Variants in GJB7 observed in about 807,000 individuals in gnomAD.
GJB7 encodes gap junction protein beta 7.
For synonymous variants in GJB7, 87 were observed against 95.2 expected (o/e 0.91, Z 0.50); for missense variants, 253 against 256.8 (o/e 0.99, Z 0.10).
intron 2 of GJB7, among the ~76,000 whole-genome samples, chr6:87,293,403 T>G (rs1450820503): frequency 6.6e-6 from 1 of 152,260 alleles, no homozygotes; most frequent in Non-Finnish European, 1.5e-5. Flanking sequence ...AATTACCAGA[T>G]AAATCCAATA....
intron 2 of GJB7, among the ~76,000 whole-genome samples, chr6:87,289,268 T>A (rs1776120318): frequency 6.6e-6 from 1 of 152,214 alleles, no homozygotes; most frequent in Non-Finnish European, 1.5e-5. Flanking sequence ...TCTTGTTCAT[T>A]ATGTTGGCTT....
At chr6:87,327,754 A>T (rs1435580054) in intron 1 of GJB7, among the ~76,000 whole-genome samples, 1 of 144,292 alleles carries the variant, frequency 6.9e-6, no homozygotes, top group African/African-American at 2.6e-5. Flanking sequence ...CTTCTCGAGG[A>T]GTATCTTTGT....
chr6:87,299,485 T>C (rs191022016), intron 2 of GJB7: 19 of 402,760 alleles, frequency 4.7e-5, no homozygotes, highest in Admixed American at 4.6e-4. Context: ...CTATGTTGTA[T>C]TGAATGAAAT....
chr6:87,291,446 T>C (rs1163289207), intron 2 of GJB7, among the ~76,000 whole-genome samples: 1 of 152,218 alleles, frequency 6.6e-6, no homozygotes, highest in African/African-American at 2.4e-5. Context: ...TGTATAAGCA[T>C]TGTCATTTTT....
intron 1 of GJB7, among the ~76,000 whole-genome samples, chr6:87,328,603 G>T (rs1237531035): frequency 6.6e-6 from 1 of 152,304 alleles, no homozygotes; most frequent in African/African-American, 2.4e-5. Flanking sequence ...GAGGCAGTCT[G>T]CCTGTTCTCA....
At chr6:87,322,462 A>T (rs951985306) in intron 2 of GJB7, 1 of 152,240 alleles carries the variant, frequency 6.6e-6, no homozygotes, top group African/African-American at 2.4e-5. Context: ...AGAACCGGAA[A>T]GGCTAGCACT....
In GJB7 at chr6:87,284,135, G is replaced by A. The variant is rs1277714390; in HGVS notation, c.*106C>T. On this transcript the variant is annotated 3_prime_UTR_variant, in exon 3 of 3. Coordinates refer to ENST00000525899, the MANE Select transcript of GJB7 (RefSeq NM_198568.3). ...TAACCCTCTTGTGTGTCACAGAGTA[G>A]CTTTGCTTCAGGTAGAGGGAGTGTG... is the stretch of plus-strand genomic sequence containing the variant. 9.1e-6 allele frequency: 8 copies of A among 878,996 alleles called. No individual in the cohort carries two copies. The highest frequency in any genetic ancestry group is 1.4e-5 in the Non-Finnish European group (8 of 562,286). The allele number at this position is 878,996 out of a possible 1,614,324, so 54.4% of individuals were successfully genotyped here.
intron 2 of GJB7, among the ~76,000 whole-genome samples, chr6:87,309,423 C>G (rs1003165552): frequency 2.6e-5 from 4 of 152,188 alleles, no homozygotes; most frequent in Non-Finnish European, 5.9e-5. Context: ...CTTCCCACTC[C>G]AGCATCACAC....
intron 2 of GJB7, among the ~76,000 whole-genome samples, chr6:87,286,758 G>T (rs1776067909): frequency 6.6e-6 from 1 of 152,104 alleles, no homozygotes; most frequent in African/African-American, 2.4e-5. Context: ...ACTCTGAAAG[G>T]TGGTTTTTGT....
chr6:87,322,182 A>T (rs1383750381), intron 2 of GJB7: 1 of 152,238 alleles, frequency 6.6e-6, no homozygotes, highest in Non-Finnish European at 1.5e-5. Context: ...ATGGCAGAGT[A>T]TTAACTCTAC....
chr6:87,313,149 G>A (rs957241814), intron 2 of GJB7, among the ~76,000 whole-genome samples: 2 of 152,158 alleles, frequency 1.3e-5, no homozygotes, highest in African/African-American at 4.8e-5. Context: ...TCCTGCCTGT[G>A]TGTCATCTAT....
intron 2 of GJB7, among the ~76,000 whole-genome samples, chr6:87,305,762 C>T (rs1399064542): frequency 6.6e-6 from 1 of 152,194 alleles, no homozygotes; most frequent in Non-Finnish European, 1.5e-5. Context: ...CATCACACTA[C>T]CTGACTTCAA....
intron 2 of GJB7, among the ~76,000 whole-genome samples, chr6:87,294,099 T>G (rs1776216408): frequency 6.6e-6 from 1 of 152,134 alleles, no homozygotes; most frequent in Non-Finnish European, 1.5e-5. Flanking sequence ...AGTGGAGCAT[T>G]GTAATAGAAA....
intron 2 of GJB7, among the ~76,000 whole-genome samples, chr6:87,321,036 T>C (rs892937563): frequency 1.3e-5 from 2 of 152,062 alleles, no homozygotes; most frequent in Non-Finnish European, 2.9e-5. Flanking sequence ...CTGACCAATA[T>C]GGTGAAACTC....
In GJB7 at chr6:87,309,789, T is replaced by C. The variant is rs1249230958; in HGVS notation, c.-28+13077A>G. Among the ~76,000 whole-genome samples the C allele has an allele frequency of 2.0e-5, 3 of 152,132 alleles. No individual in the cohort carries two copies. In the South Asian group the frequency reaches 6.2e-4, roughly 32 times the overall value. On this transcript the variant is annotated intron_variant, in intron 2 of 2. Coordinates refer to ENST00000525899, the MANE Select transcript of GJB7 (RefSeq NM_198568.3). ...AAAGTATCCTTTCTATAGGAAGCTT[T>C]TGTGGTAAGACATACAGCTGCTCAT...
chr6:87,307,344 G>C lies in GJB7; in HGVS notation c.-28+15522C>G, dbSNP rs545614554. ...GGACTTCATGTCTAAAACACCAAAAGTAATGGCAACAAAAGCCAAAATTGA... is the reference window on the plus strand; with the variant it reads ...GGACTTCATGTCTAAAACACCAAAACTAATGGCAACAAAAGCCAAAATTGA... On this transcript the variant is annotated intron_variant, in intron 2 of 2. Coordinates refer to ENST00000525899, the MANE Select transcript of GJB7 (RefSeq NM_198568.3). Among the ~76,000 whole-genome samples the C allele has an allele frequency of 3.9e-5, 6 of 152,104 alleles. No homozygotes were observed. The South Asian group carries it at 1.2e-3, about 32-fold the overall frequency.
At chr6:87,310,955 G>C (rs60182652) in intron 2 of GJB7, among the ~76,000 whole-genome samples, 2 of 152,212 alleles carry the variant, frequency 1.3e-5, no homozygotes, top group African/African-American at 4.8e-5. Context: ...AGTTCTTAGA[G>C]ATGATTCCAA....
chr6:87,328,377 G>T (rs562746192), intron 1 of GJB7, among the ~76,000 whole-genome samples: 2 of 152,148 alleles, frequency 1.3e-5, no homozygotes, highest in East Asian at 3.9e-4. Flanking sequence ...CCCCATCTTT[G>T]TGGTTTTATC....
At chr6:87,311,073 A>C (rs994692968) in intron 2 of GJB7, among the ~76,000 whole-genome samples, 1 of 152,236 alleles carries the variant, frequency 6.6e-6, no homozygotes, top group Non-Finnish European at 1.5e-5. Flanking sequence ...AATTATAACC[A>C]TCAAGGAAAT....
Sources: gnomAD v4.1 joint callset for allele counts (sites outside exome capture counted in the v4.1 genomes callset) on GRCh38, gnomAD v4.1.1 for gene constraint, MANE v1.5 for transcripts, NCBI Gene and HGNC (gene_info 2026-07-23, HGNC 2026-07-21) for gene names.